The following KCNMA1 variants were observed in gnomAD, a reference collection of about 807,000 sequenced individuals.
KCNMA1 encodes Calcium-activated potassium channel subunit alpha-1.
In KCNMA1, 29 loss-of-function variants were observed where a neutral mutation model predicts 140.0. That is an observed-to-expected ratio of 0.21 (90% confidence interval 0.15 to 0.28). The LOEUF is 0.28. Among genes scored for constraint, KCNMA1 ranks in the 10% least tolerant of loss-of-function variants. The pLI is 1.00. For missense variants in KCNMA1, 880 were observed against 1,602.2 expected (o/e 0.55, Z 7.70); for synonymous variants, 612 against 611.9 (o/e 1.00, Z 0.00).
intron 19 of KCNMA1, among the ~76,000 whole-genome samples, chr10:76,971,531 G>C (rs1288257224): frequency 6.6e-6 from 1 of 152,082 alleles, no homozygotes; most frequent in Non-Finnish European, 1.5e-5. Context: ...CTAAACCCTG[G>C]CTGATGCAGG....
At chr10:76,991,610 G>C (rs2082794178) in intron 19 of KCNMA1, among the ~76,000 whole-genome samples, 1 of 152,086 alleles carries the variant, frequency 6.6e-6, no homozygotes, top group African/African-American at 2.4e-5. Flanking sequence ...TTCCTTTAAG[G>C]GTTGGGAAGC....
chr10:77,460,501 G>A (rs1188874977), intron 1 of KCNMA1, among the ~76,000 whole-genome samples: 1 of 151,778 alleles, frequency 6.6e-6, no homozygotes, highest in Non-Finnish European at 1.5e-5. Context: ...ATCAATGGAT[G>A]GCTGGATAAA....
intron 5 of KCNMA1, among the ~76,000 whole-genome samples, chr10:77,178,714 A>C (rs2098775876): frequency 6.6e-6 from 1 of 152,152 alleles, no homozygotes; most frequent in Non-Finnish European, 1.5e-5. Flanking sequence ...ACACAAAAAC[A>C]AAAACAAAAA....
intron 2 of KCNMA1, among the ~76,000 whole-genome samples, chr10:77,281,005 T>C (rs777180245): frequency 1.9e-4 from 29 of 152,144 alleles, no homozygotes; most frequent in Admixed American, 1.9e-3. Context: ...GAAACACAGA[T>C]GGGAACAGCA....
At chr10:77,410,348 C>T (rs1269553455) in intron 1 of KCNMA1, among the ~76,000 whole-genome samples, 1 of 152,174 alleles carries the variant, frequency 6.6e-6, no homozygotes, top group Non-Finnish European at 1.5e-5. Flanking sequence ...TCACTGCAGG[C>T]ACCACACCTG....
At chr10:77,581,341 G>A (rs1567680756) in intron 1 of KCNMA1, among the ~76,000 whole-genome samples, 6 of 149,800 alleles carry the variant, frequency 4.0e-5, no homozygotes, top group African/African-American at 1.2e-4. Flanking sequence ...ACAGAGTCTC[G>A]CTCTGTCACC....
At chr10:76,984,329 G>A (rs2080541553) in intron 19 of KCNMA1, among the ~76,000 whole-genome samples, 1 of 152,058 alleles carries the variant, frequency 6.6e-6, no homozygotes, top group Non-Finnish European at 1.5e-5. Flanking sequence ...AGCCTCCAAA[G>A]TAGCTGAGAT....
At chr10:77,056,091 G>A (rs2095531348) in intron 14 of KCNMA1, among the ~76,000 whole-genome samples, 2 of 152,152 alleles carry the variant, frequency 1.3e-5, no homozygotes, top group South Asian at 4.1e-4. Context: ...CTAAAATCAA[G>A]CCGATCAGGC....
intron 2 of KCNMA1, among the ~76,000 whole-genome samples, chr10:77,314,522 A>G (rs2080219402): frequency 6.6e-6 from 1 of 152,234 alleles, no homozygotes; most frequent in Admixed American, 6.5e-5. Context: ...GGCTTGGAGA[A>G]GAGCAGGAAT....
intron 23 of KCNMA1, among the ~76,000 whole-genome samples, chr10:76,933,666 G>A (rs2059819179): frequency 6.6e-6 from 1 of 152,086 alleles, no homozygotes; most frequent in Admixed American, 6.5e-5. Flanking sequence ...GACTACCACA[G>A]CCCAAAGCCA....
chr10:76,900,461 T>G (rs994633243), intron 25 of KCNMA1, among the ~76,000 whole-genome samples: 1 of 152,036 alleles, frequency 6.6e-6, no homozygotes, highest in Non-Finnish European at 1.5e-5. Flanking sequence ...GAATTTGGGG[T>G]TTTTTTCCTA....
intron 15 of KCNMA1, among the ~76,000 whole-genome samples, chr10:77,037,110 AAATC>A (rs2094387262): frequency 6.6e-6 from 1 of 152,210 alleles, no homozygotes; most frequent in Non-Finnish European, 1.5e-5. Context: ...CTAAATACAA[AAATC>A]AATCAAAGGG....
rs150023686 is a variant in KCNMA1, at chr10:76,887,296, T to C, written c.3681A>G (p.Lys1227=). ...NRPKSRESRD[K]QKYVQEERL is the part of the protein sequence containing the mutation. ...GCCGCTCTTCCTGCACGTACTTCTGTTTGTCCCGGGACTCCCTGGACTTGG... is the reference window on the plus strand; with the variant it reads ...GCCGCTCTTCCTGCACGTACTTCTGCTTGTCCCGGGACTCCCTGGACTTGG... Residue 1227 remains lysine, a synonymous_variant, in exon 28 of 28, where the codon AAA becomes AAG. Transcript: ENST00000286628. 6.2e-7 allele frequency: 1 copy of C among 1,613,986 alleles called. No individual in the cohort carries two copies. The highest frequency in any genetic ancestry group is 1.7e-5 in the Admixed American group (1 of 60,006).
rs144360936 is a variant in KCNMA1 at position 77,339,239 on chromosome 10, T to G, written c.540+64623A>C. On this transcript the variant is annotated intron_variant, in intron 2 of 27. Transcript: ENST00000286628. ...AGCTGAGCCTCTTATCACTTGTCTC[T>G]TATATTTCCTCTCTTGTGTCTCTTC... 3.0e-3 allele frequency among the ~76,000 whole-genome samples: 454 copies of G among 152,112 alleles called. 3 individuals are homozygous for G. The highest frequency in any genetic ancestry group is 0.011 in the African/African-American group (437 of 41,500).
intron 2 of KCNMA1, among the ~76,000 whole-genome samples, chr10:77,295,697 C>T (rs556827155): frequency 4.3e-5 from 6 of 139,546 alleles, no homozygotes; most frequent in Non-Finnish European, 9.2e-5. Flanking sequence ...AGGAGAATGG[C>T]GTGAACCCGG....
At chr10:77,155,467 C>G (rs1350906821) in intron 5 of KCNMA1, among the ~76,000 whole-genome samples, 3 of 152,134 alleles carry the variant, frequency 2.0e-5, no homozygotes, top group Non-Finnish European at 4.4e-5. Context: ...CGAAGCTCAC[C>G]TAGCAATGAG....
rs2036278698 is a variant in KCNMA1 at position 76,885,168 on chromosome 10, T to C, written c.*2098A>G. On this transcript the variant is annotated 3_prime_UTR_variant, in exon 28 of 28. Transcript: ENST00000286628. ...CCTTTGCAAAGAATGCATGAAGAGC[T>C]CTTCATGATCCAATACTAGGGGATA... The C allele has an allele frequency of 7.9e-7, 1 of 1,272,904 alleles. No homozygotes were observed. Among genetic ancestry groups the C allele is most frequent in the Non-Finnish European group, 1.0e-6 (1 of 1,001,864 alleles). 78.9% of individuals were successfully genotyped at this position (1,272,904 alleles called of 1,614,324 possible).
At chr10:77,168,140 T>C (rs2098664370) in intron 5 of KCNMA1, among the ~76,000 whole-genome samples, 1 of 152,186 alleles carries the variant, frequency 6.6e-6, no homozygotes, top group Non-Finnish European at 1.5e-5. Flanking sequence ...GGGTATATAG[T>C]AGTAATTAAA....
intron 1 of KCNMA1, among the ~76,000 whole-genome samples, chr10:77,480,976 C>T (rs982783127): frequency 1.9e-4 from 28 of 150,644 alleles, no homozygotes; most frequent in African/African-American, 5.6e-4. Flanking sequence ...AAAAAATAGC[C>T]GGAGGTAGTG....
Sources: gnomAD v4.1 joint callset for allele counts (sites outside exome capture counted in the v4.1 genomes callset) on GRCh38, gnomAD v4.1.1 for gene constraint, MANE v1.5 for transcripts, NCBI Gene and HGNC (gene_info 2026-07-23, HGNC 2026-07-21) for gene names.